Variants in AGBL4 observed in about 807,000 individuals in gnomAD.
AGBL4 encodes the protein AGBL carboxypeptidase 4.
In AGBL4, 58 loss-of-function variants were observed where a neutral mutation model predicts 66.4. That is an observed-to-expected ratio of 0.87 (90% CI 0.71 to 1.09). AGBL4 has a LOEUF of 1.09. Ranked by LOEUF, AGBL4 falls within the 50% of genes least tolerant of loss-of-function variation. The pLI, the probability that AGBL4 is intolerant of heterozygous loss-of-function variation, is 0.00. For missense variants in AGBL4, 579 were observed against 631.0 expected, an observed-to-expected ratio of 0.92 and a Z score of 0.88; for synonymous variants, 234 against 222.9, an observed-to-expected ratio of 1.05 and a Z score of -0.44.
chr1:48,713,278 T>G (rs1256092034), intron 6 of AGBL4, among the ~76,000 whole-genome samples: 3 of 152,020 alleles, frequency 2.0e-5, no homozygotes, highest in African/African-American at 4.8e-5. Context: ...GTTCCTGGGC[T>G]GAGAAGTAAC....
intron 3 of AGBL4, among the ~76,000 whole-genome samples, chr1:49,348,345 G>C (rs1312394237): frequency 2.6e-5 from 4 of 152,056 alleles, no homozygotes; most frequent in African/African-American, 9.7e-5. Flanking sequence ...ATGAACCCGG[G>C]AGGCGGAGCT....
intron 3 of AGBL4, among the ~76,000 whole-genome samples, chr1:49,605,018 T>A (rs1645037295): frequency 6.6e-6 from 1 of 152,168 alleles, no homozygotes; most frequent in African/African-American, 2.4e-5. Context: ...TTATAAATAT[T>A]GTTCTATTTA....
intron 8 of AGBL4, among the ~76,000 whole-genome samples, chr1:48,644,225 A>C (rs925644790): frequency 1.3e-5 from 2 of 152,168 alleles, no homozygotes; most frequent in African/African-American, 4.8e-5. Flanking sequence ...TATTATAATT[A>C]TTCCTTTGGT....
intron 3 of AGBL4, among the ~76,000 whole-genome samples, chr1:49,657,608 T>C (rs1215726741): frequency 6.6e-6 from 1 of 152,118 alleles, no homozygotes; most frequent in Non-Finnish European, 1.5e-5. Context: ...CTTCAAACTA[T>C]ACTACAAGGC....
chr1:49,311,818 CTT>C (rs1158491459), intron 3 of AGBL4, among the ~76,000 whole-genome samples: 4 of 151,802 alleles, frequency 2.6e-5, no homozygotes, highest in African/African-American at 7.3e-5. Context: ...TAAAGGGAGA[CTT>C]ATGTTCAAAT....
At chr1:49,343,876 T>G (rs1374213933) in intron 3 of AGBL4, among the ~76,000 whole-genome samples, 2 of 152,198 alleles carry the variant, frequency 1.3e-5, no homozygotes, top group Non-Finnish European at 2.9e-5. Flanking sequence ...GTTTAGTTCA[T>G]GTGACTTTAG....
intron 11 of AGBL4, among the ~76,000 whole-genome samples, chr1:48,578,157 T>G (rs1455504764): frequency 1.3e-5 from 2 of 152,140 alleles, no homozygotes; most frequent in Admixed American, 1.3e-4. Flanking sequence ...ATGCTAAAGA[T>G]AGGAAAATTA....
At chr1:49,099,459 A>G (rs1009811645) in intron 4 of AGBL4, among the ~76,000 whole-genome samples, 2 of 152,116 alleles carry the variant, frequency 1.3e-5, no homozygotes, top group African/African-American at 2.4e-5. Flanking sequence ...AAGCAACTCA[A>G]TGTATCAGCA....
chr1:49,421,300 A>T (rs1557925081), intron 3 of AGBL4, among the ~76,000 whole-genome samples: 1 of 151,960 alleles, frequency 6.6e-6, no homozygotes, highest in Non-Finnish European at 1.5e-5. Flanking sequence ...AGTCTCCCTG[A>T]GGATACAGGA....
At chr1:49,595,354 G>A (rs1008343455) in intron 3 of AGBL4, among the ~76,000 whole-genome samples, 4 of 152,094 alleles carry the variant, frequency 2.6e-5, no homozygotes, top group Admixed American at 6.6e-5. Context: ...CTCCCAAAGT[G>A]CTAGGATTAC....
intron 3 of AGBL4, among the ~76,000 whole-genome samples, chr1:49,564,125 A>C (rs1203452455): frequency 1.3e-5 from 2 of 151,942 alleles, no homozygotes; most frequent in South Asian, 2.1e-4. Flanking sequence ...CCCTGATGGT[A>C]GTTTGTATCT....
intron 4 of AGBL4, among the ~76,000 whole-genome samples, chr1:49,058,846 A>C (rs1199113030): frequency 6.6e-6 from 1 of 152,212 alleles, no homozygotes; most frequent in Non-Finnish European, 1.5e-5. Context: ...TTATGCAAAG[A>C]GACTGGTGGC....
chr1:48,666,460 C>T (rs543536064), intron 6 of AGBL4, among the ~76,000 whole-genome samples: 39 of 152,354 alleles, frequency 2.6e-4, no homozygotes, highest in Non-Finnish European at 4.3e-4. Context: ...GCAGCTACAC[C>T]TGGCTCCCCA....
intron 11 of AGBL4, among the ~76,000 whole-genome samples, chr1:48,572,484 T>A (rs892793638): frequency 1.3e-5 from 2 of 151,082 alleles, no homozygotes; most frequent in African/African-American, 4.9e-5. Flanking sequence ...AGATAAAAAG[T>A]GGAGAAGGTA....
rs565033542 is a variant in AGBL4 at position 49,585,434 on chromosome 1, C to A, written c.282+111879G>T. ...AGCATCTAGGAAATGCAGAAGATAGCATCTAAGAACTGCAGGCAGCCTCTA... is the reference window on the plus strand; with the variant it reads ...AGCATCTAGGAAATGCAGAAGATAGAATCTAAGAACTGCAGGCAGCCTCTA... On this transcript the variant is annotated intron_variant, in intron 3 of 13. Transcript: ENST00000371839. Among the ~76,000 whole-genome samples the A allele has an allele frequency of 7.9e-5, 12 of 152,268 alleles. No homozygotes were observed. In the South Asian group the frequency reaches 1.9e-3, roughly 24 times the overall value.
intron 1 of AGBL4, among the ~76,000 whole-genome samples, chr1:49,872,263 A>C (rs1646855211): frequency 6.6e-6 from 1 of 152,068 alleles, no homozygotes; most frequent in Non-Finnish European, 1.5e-5. Flanking sequence ...AAATTTATAA[A>C]CTATTTTGTG....
chr1:49,482,982 G>T (rs760284453), intron 3 of AGBL4, among the ~76,000 whole-genome samples: 21 of 152,052 alleles, frequency 1.4e-4, no homozygotes, highest in Admixed American at 3.9e-4. Context: ...TGTGGTCTGA[G>T]AGAATGTTAT....
At chr1:49,355,094 A>G (rs1456926980) in intron 3 of AGBL4, among the ~76,000 whole-genome samples, 1 of 152,202 alleles carries the variant, frequency 6.6e-6, no homozygotes, top group Non-Finnish European at 1.5e-5. Context: ...AGAAAATGCA[A>G]ACTCCACACA....
intron 1 of AGBL4, among the ~76,000 whole-genome samples, chr1:49,906,293 T>C (rs1571844861): frequency 6.6e-6 from 1 of 152,116 alleles, no homozygotes; most frequent in Non-Finnish European, 1.5e-5. Context: ...TAATCATTTA[T>C]ACATGCAAAA....
Sources: allele counts gnomAD v4.1 joint callset (sites outside exome capture counted in the v4.1 genomes callset), GRCh38; gene constraint gnomAD v4.1.1; transcripts MANE v1.5; gene names NCBI Gene and HGNC (gene_info 2026-07-23, HGNC 2026-07-21).